Variants in GNL3 observed in about 807,000 individuals in gnomAD.
GNL3 encodes G protein nucleolar 3.
GNL3 carries 77 observed loss-of-function variants against 70.6 expected under a neutral mutation model. The observed-to-expected ratio is 1.09, with a 90% CI of 0.91 to 1.32. The LOEUF (loss-of-function observed/expected upper bound fraction) is 1.32. Among genes scored for constraint, GNL3 ranks in the 40% most tolerant of loss-of-function variants. The pLI, the probability that GNL3 is intolerant of heterozygous loss-of-function variation, is 0.00. For synonymous variants in GNL3, 252 were observed against 216.1 expected (o/e 1.17, Z -1.46); for missense variants, 634 against 644.0 (o/e 0.98, Z 0.17).
rs2097323990 is a variant in GNL3 at position 52,688,109 on chromosome 3, G to T, written c.325G>T (p.Glu109Ter). Residue 109 changes from glutamate to a stop codon, truncating the protein, a stop_gained and splice_region_variant, in exon 5 of 15, where the codon GAG becomes TAG. Transcript: ENST00000418458. LOFTEE classifies it high-confidence loss of function. ...TGTTATTTCCCCCTTTATCCTCTAGGAGTTTGGGCTTTGCAAAACTGAGAA... is the reference window on the plus strand; with the variant it reads ...TGTTATTTCCCCCTTTATCCTCTAGTAGTTTGGGCTTTGCAAAACTGAGAA... ...KPSNVEPMEK[E>*]FGLCKTENKA... 6.3e-7 allele frequency: 1 copy of T among 1,578,466 alleles called. No homozygotes were observed. Among genetic ancestry groups the T allele is most frequent in the South Asian group, 1.1e-5 (1 of 90,342 alleles).
Position 52,693,641 on chromosome 3 carries a change from G to A in GNL3, c.1334G>A (p.Gly445Asp), listed in dbSNP as rs557767603. ...TTGCTTTCTTTCCCAGCCATCAAGGGCCCTCATTTGGCCAATAGCATCCTT... is the reference window on the plus strand; with the variant it reads ...TTGCTTTCTTTCCCAGCCATCAAGGACCCTCATTTGGCCAATAGCATCCTT... ...NNAQSIRAIK[G>D]PHLANSILFQ... is the part of the protein sequence containing the mutation. The change falls in exon 13 of 15, where the codon GGC becomes GAC. Residue 445 changes from glycine (G) to aspartate (D), a missense_variant. By Grantham distance (94) the Gly-to-Asp change is moderately conservative. Coordinates refer to ENST00000418458, the MANE Select transcript of GNL3 (RefSeq NM_014366.5). The A allele has an allele frequency of 2.5e-6, 4 of 1,614,022 alleles. No homozygotes were observed. In the South Asian group the frequency reaches 3.3e-5, roughly 13 times the overall value.
chr3:52,692,810 G>A (rs1396296758), intron 9 of GNL3, 62 bp from the exon 10 acceptor site: 2 of 1,306,456 alleles, frequency 1.5e-6, no homozygotes, highest in East Asian at 2.3e-5. Context: ...TGAGCTTCAT[G>A]TTCTGTCTCT....
intron 6 of GNL3, among the ~76,000 whole-genome samples, 153 bp from the exon 7 acceptor site, chr3:52,690,439 A>G (rs140272786): frequency 6.6e-6 from 1 of 152,006 alleles, no homozygotes; most frequent in East Asian, 1.9e-4. Context: ...ATTTTTTTGT[A>G]TTTTTAGTAG....
intron 4 of GNL3, 145 bp downstream of exon 4, chr3:52,687,760 T>C (rs2097323148): frequency 3.2e-6 from 2 of 619,742 alleles, no homozygotes; most frequent in South Asian, 4.0e-5. Context: ...AGTCTCCAAG[T>C]AGCTGGGACT....
Position 52,688,143 on chromosome 3 carries a change from A to G in GNL3, c.359A>G (p.Lys120Arg). 1 of 1,612,028 alleles carries G rather than the reference A, an allele frequency of 6.2e-7. No individual in the cohort carries two copies. The highest frequency in any genetic ancestry group is 8.5e-7 in the Non-Finnish European group (1 of 1,178,024). Residue 120 changes from lysine to arginine, a missense_variant, in exon 5 of 15, where the codon AAG (lysine) becomes AGG (arginine). By Grantham distance (26) the Lys-to-Arg change is conservative. Coordinates refer to ENST00000418458, the MANE Select transcript of GNL3 (RefSeq NM_014366.5). Reference sequence around the variant, plus strand: ...CTTTGCAAAACTGAGAACAAAGCCAAGTCGGGCAAACAGAATTCAAAGAAG... The same window carrying G: ...CTTTGCAAAACTGAGAACAAAGCCAGGTCGGGCAAACAGAATTCAAAGAAG... The part of the protein sequence containing the change: ...FGLCKTENKA[K>R]SGKQNSKKLY...
In GNL3 at chr3:52,691,575, A is replaced by G. The variant is rs925919373; in HGVS notation, c.815A>G (p.Asn272Ser). Reference sequence around the variant, plus strand: ...AATGTGGGGAAAAGCAGCATTATCAATAGCTTAAAACAAGAACAGATGTGT... The same window carrying G: ...AATGTGGGGAAAAGCAGCATTATCAGTAGCTTAAAACAAGAACAGATGTGT... ...FPNVGKSSII[N>S]SLKQEQMCNV... The change falls in exon 9 of 15, where the codon AAT becomes AGT. Residue 272 changes from asparagine to serine, a missense_variant. By Grantham distance (46) the Asn-to-Ser change is conservative. Coordinates refer to ENST00000418458, the MANE Select transcript of GNL3 (RefSeq NM_014366.5). 1 of 1,601,700 alleles carries G rather than the reference A, an allele frequency of 6.2e-7. No homozygotes were observed. The highest frequency in any genetic ancestry group is 1.1e-5 in the South Asian group (1 of 89,898).
In GNL3 at chr3:52,694,087, TGAG is replaced by T. The variant is rs1427596341; in HGVS notation, c.1555_1557del (p.Glu519del). The stretch of plus-strand genomic sequence containing the variant: ...CAGAAGAGACAGGGGAGGCACTGTC[TGAG>T]GAGACTACAGCAGGTGAGGCAGGCA... On this transcript the variant is annotated inframe_deletion, in exon 14 of 15. Coordinates refer to ENST00000418458, the MANE Select transcript of GNL3 (RefSeq NM_014366.5). 8 of 1,613,520 alleles carry T rather than the reference TGAG, an allele frequency of 5.0e-6. No individual in the cohort carries two copies. Among genetic ancestry groups the T allele is most frequent in the South Asian group, 2.2e-5 (2 of 91,070 alleles).
chr3:52,688,074 T>G, intron 4 of GNL3, 35 bp from the exon 5 acceptor site: 2 of 1,235,180 alleles, frequency 1.6e-6, no homozygotes. Context: ...TTGCTCTACT[T>G]CTAATTTTGT....
chr3:52,688,650 A>T (rs1327721761), intron 5 of GNL3, among the ~76,000 whole-genome samples: 2 of 152,202 alleles, frequency 1.3e-5, no homozygotes, highest in Non-Finnish European at 2.9e-5. Context: ...TTGAAACCTA[A>T]GTGAAGGAGG....
At chr3:52,688,647 C>G (rs1578573848) in intron 5 of GNL3, among the ~76,000 whole-genome samples, 1 of 152,154 alleles carries the variant, frequency 6.6e-6, no homozygotes, top group African/African-American at 2.4e-5. Flanking sequence ...CTGTTGAAAC[C>G]TAAGTGAAGG....
In GNL3 at chr3:52,693,336, T is replaced by C. The variant is rs199636744; in HGVS notation, c.1187+7T>C. The C allele has an allele frequency of 6.2e-7, 1 of 1,613,604 alleles. No individual in the cohort carries two copies. Among genetic ancestry groups the C allele is most frequent in the East Asian group, 2.2e-5 (1 of 44,886 alleles). On this transcript the variant is annotated splice_region_variant and intron_variant, in intron 11 of 14. Transcript: ENST00000418458. ...TGTGGTCTGAGTGGACAGGGTAAGC[T>C]TTCTTTTCTGTTGGCATTTTGGTGA...
chr3:52,686,872 C>T (rs1339522761), intron 2 of GNL3, 45 bp downstream of exon 2: 4 of 1,399,576 alleles, frequency 2.9e-6, no homozygotes, highest in South Asian at 2.3e-5. Flanking sequence ...CATTGCTAAA[C>T]TGATTTTGCC....
chr3:52,687,466 T>G (rs1014579701), intron 3 of GNL3, 36 bp from the exon 4 acceptor site: 2 of 1,585,538 alleles, frequency 1.3e-6, no homozygotes, highest in African/African-American at 2.7e-5. Context: ...ACAACACTAG[T>G]CACTGGTTCA....
At position 52,690,951 on chromosome 3, in the gene GNL3, A is replaced by C. The variant is rs2097326644; in HGVS notation, c.661A>C (p.Lys221Gln). ...KDKGKITKRV[K>Q]AKKNAAPFRS... is the part of the protein sequence containing the mutation. ...CAACTATTTGGAATTTTAGCGTGTG[A>C]AGGCAAAGAAGAATGCTGCTCCATT... Residue 221 changes from lysine (K) to glutamine (Q), a missense_variant, in exon 8 of 15, where the codon AAG becomes CAG. Transcript: ENST00000418458. 6.2e-7 allele frequency: 1 copy of C among 1,613,898 alleles called. No homozygotes were observed.
At chr3:52,686,748 T>C in intron 1 of GNL3, 21 bp from the exon 2 acceptor site, 1 of 1,580,436 alleles carries the variant, frequency 6.3e-7, no homozygotes, top group Non-Finnish European at 8.7e-7. Flanking sequence ...GTTAACAGAT[T>C]TGTGATGTGT....
chr3:52,692,722 T>TA (rs1578579183), intron 9 of GNL3, 150 bp from the exon 10 acceptor site: 2 of 769,980 alleles, frequency 2.6e-6, no homozygotes, highest in South Asian at 2.7e-5. Context: ...GGTATGCTGT[T>TA]ACAGTTTTAG....
rs1333853882 is a variant in GNL3, at chr3:52,689,079, T to G, written c.414T>G (p.Ile138Met). Residue 138 changes from isoleucine to methionine, a missense_variant, in exon 6 of 15, where the codon ATT becomes ATG. Transcript: ENST00000418458. ...GGTCATTTTTTCCTTGATAGGTGAT[T>G]GAAGCCTCCGATGTTGTCCTAGAGG... ...KLYCQELKKV[I>M]EASDVVLEVL... 4.3e-6 allele frequency: 7 copies of G among 1,613,394 alleles called. No homozygotes were observed. In the Admixed American group the frequency reaches 5.0e-5, roughly 12 times the overall value.
intron 9 of GNL3, chr3:52,692,608 C>T (rs1026352062): frequency 6.1e-6 from 3 of 491,918 alleles, no homozygotes; most frequent in Non-Finnish European, 4.0e-6. Context: ...TGAGCCACCG[C>T]GCCCAGCCAG....
In GNL3 at chr3:52,686,781, C is replaced by G. The variant is rs1390533576; in HGVS notation, c.26C>G (p.Ala9Gly). 7.4e-6 allele frequency: 12 copies of G among 1,611,502 alleles called. No individual in the cohort carries two copies. Among genetic ancestry groups the G allele is most frequent in the Non-Finnish European group, 1.0e-5 (12 of 1,177,682 alleles). Residue 9 changes from alanine (A) to glycine (G), a missense_variant, in exon 2 of 15, where the codon GCA becomes GGA. By Grantham distance (60) the Ala-to-Gly change is moderately conservative. Transcript: ENST00000418458. ...TGTTTCTTTGTAGAGTTAAAGAAAGCAAGTAAACGCATGACCTGCCATAAG... is the reference window on the plus strand; with the variant it reads ...TGTTTCTTTGTAGAGTTAAAGAAAGGAAGTAAACGCATGACCTGCCATAAG... MKRPKLKK[A>G]SKRMTCHKRY... is the part of the protein sequence containing the mutation.
Sources: gnomAD v4.1 joint callset for allele counts (sites outside exome capture counted in the v4.1 genomes callset) on GRCh38, gnomAD v4.1.1 for gene constraint, MANE v1.5 for transcripts, NCBI Gene and HGNC (gene_info 2026-07-23, HGNC 2026-07-21) for gene names.